Variants in OR2C1 observed in about 807,000 individuals in gnomAD.
The protein encoded by OR2C1 is olfactory receptor family 2 subfamily C member 1.
For missense variants in OR2C1, 468 were observed against 388.3 expected, an observed-to-expected ratio of 1.21 and a Z score of -1.73; for synonymous variants, 209 against 167.3, an observed-to-expected ratio of 1.25 and a Z score of -1.92.
At chr16:3,349,619 T>C in the OR2C1 span, among the ~76,000 whole-genome samples, 1 of 151,846 alleles carries the variant, frequency 6.6e-6, no homozygotes, top group Non-Finnish European at 1.5e-5. Flanking sequence ...CCTAGACTGA[T>C]TATTAAAGAA....
At chr16:3,334,066 G>T in the OR2C1 span, among the ~76,000 whole-genome samples, 1 of 151,892 alleles carries the variant, frequency 6.6e-6, no homozygotes, top group Non-Finnish European at 1.5e-5. Context: ...TTCTCCTCCT[G>T]GACTTGGGTT....
the OR2C1 span, among the ~76,000 whole-genome samples, chr16:3,350,537 G>T: frequency 1.3e-5 from 2 of 148,856 alleles, no homozygotes; most frequent in South Asian, 4.3e-4. Context: ...TCAGCCTCCC[G>T]AGTAGCTGGG....
At chr16:3,334,001 C>G in the OR2C1 span, among the ~76,000 whole-genome samples, 3 of 151,980 alleles carry the variant, frequency 2.0e-5, no homozygotes, top group Non-Finnish European at 2.9e-5. Context: ...GGGACAGGGT[C>G]TCACTCTGTC....
the OR2C1 span, among the ~76,000 whole-genome samples, chr16:3,333,006 G>A: frequency 6.6e-6 from 1 of 151,880 alleles, no homozygotes; most frequent in Non-Finnish European, 1.5e-5. Context: ...CAGCGTACAA[G>A]GGTTCACCTT....
At chr16:3,352,730 C>G (rs1462878935), upstream of OR2C1, among the ~76,000 whole-genome samples, 1 of 106,620 alleles carries the variant, frequency 9.4e-6, no homozygotes, top group Non-Finnish European at 1.8e-5. Flanking sequence ...CTGTCTGTTT[C>G]TTTCTTTCTT....
the OR2C1 span, chr16:3,323,016 A>G: frequency 1.3e-6 from 1 of 752,032 alleles, no homozygotes; most frequent in Non-Finnish European, 1.6e-6. Flanking sequence ...GATGAGAGGT[A>G]CTTGCCATGA....
chr16:3,350,420 T>G, the OR2C1 span, among the ~76,000 whole-genome samples: 1 of 144,526 alleles, frequency 6.9e-6, no homozygotes, highest in African/African-American at 2.6e-5. Context: ...TTTTTTTGTG[T>G]TTTTTTTTTG....
chr16:3,347,246 CAAAA>C, the OR2C1 span, among the ~76,000 whole-genome samples: 2 of 64,486 alleles, frequency 3.1e-5, no homozygotes, highest in Admixed American at 2.2e-4. Flanking sequence ...GACTCTGTCT[CAAAA>C]AAAAAAAAAA....
the OR2C1 span, among the ~76,000 whole-genome samples, chr16:3,325,690 C>T: frequency 6.6e-6 from 1 of 151,152 alleles, no homozygotes; most frequent in Non-Finnish European, 1.5e-5. Flanking sequence ...TGTGAATAAA[C>T]TCTATGGATA....
the OR2C1 span, among the ~76,000 whole-genome samples, chr16:3,341,525 GA>G: frequency 6.6e-6 from 1 of 152,132 alleles, no homozygotes; most frequent in African/African-American, 2.4e-5. Flanking sequence ...AATTCAGTCA[GA>G]AAACATTAAA....
chr16:3,328,633 G>T, the OR2C1 span, among the ~76,000 whole-genome samples: 5 of 152,304 alleles, frequency 3.3e-5, no homozygotes, highest in South Asian at 1.0e-3. Flanking sequence ...AACTGGTGTA[G>T]GAAATTGGCT....
chr16:3,352,467 T>G (rs540743339), upstream of OR2C1, among the ~76,000 whole-genome samples: 5 of 152,332 alleles, frequency 3.3e-5, no homozygotes, highest in South Asian at 1.0e-3. Context: ...AATTTTAATG[T>G]TTTTAAACTT....
At chr16:3,331,974 G>A in the OR2C1 span, among the ~76,000 whole-genome samples, 1 of 151,122 alleles carries the variant, frequency 6.6e-6, no homozygotes, top group African/African-American at 2.4e-5. Flanking sequence ...ACTATCATAA[G>A]AACAAAAAAC....
the OR2C1 span, among the ~76,000 whole-genome samples, chr16:3,328,839 C>G: frequency 6.6e-6 from 1 of 152,220 alleles, no homozygotes; most frequent in Middle Eastern, 3.4e-3. Context: ...GAGGGTGTTG[C>G]CCCACGCCCT....
chr16:3,342,878 C>G, the OR2C1 span, among the ~76,000 whole-genome samples: 1 of 152,010 alleles, frequency 6.6e-6, no homozygotes, highest in African/African-American at 2.4e-5. Flanking sequence ...TCTCAAAAAA[C>G]AAAAACGAAA....
chr16:3,333,767 G>C, the OR2C1 span, among the ~76,000 whole-genome samples: 2 of 152,120 alleles, frequency 1.3e-5, no homozygotes, highest in Admixed American at 1.3e-4. Context: ...AAATATCTTT[G>C]CCTAGATCAA....
At position 3,356,359 on chromosome 16, in the gene OR2C1, TCTGCTGG is replaced by T. The variant is rs762154340; in HGVS notation, c.430_436del (p.Leu144Ter). 6.2e-7 allele frequency: 1 copy of T among 1,613,656 alleles called. No homozygotes were observed. Among genetic ancestry groups the T allele is most frequent in the Non-Finnish European group, 8.5e-7 (1 of 1,180,026 alleles). On this transcript the variant is annotated frameshift_variant, in exon 1 of 1. Transcript: ENST00000304936. LOFTEE classifies it low-confidence loss of function (END_TRUNC). Reference sequence around the variant, plus strand: ...TACACCGCCATCATGAACCCCCAGCTCTGCTGGCTGCTGGCTGTGATTGCCTGCCTGG... The same window carrying T: ...TACACCGCCATCATGAACCCCCAGCTCTGCTGGCTGTGATTGCCTGCCTGG...
At chr16:3,355,435 G>A (rs1038632203), upstream of OR2C1, among the ~76,000 whole-genome samples, 1 of 105,730 alleles carries the variant, frequency 9.5e-6, no homozygotes. Flanking sequence ...TCCAGCCTGG[G>A]TGACAGAGCG....
the OR2C1 span, among the ~76,000 whole-genome samples, chr16:3,347,503 C>G: frequency 8.6e-5 from 13 of 151,564 alleles, no homozygotes; most frequent in African/African-American, 3.2e-4. Flanking sequence ...GCTCTGTTGC[C>G]CAGGCTGGAG....
Sources: allele counts gnomAD v4.1 joint callset (sites outside exome capture counted in the v4.1 genomes callset), GRCh38; gene constraint gnomAD v4.1.1; transcripts MANE v1.5; gene names NCBI Gene and HGNC (gene_info 2026-07-23, HGNC 2026-07-21).